FRMD6: variants seen among roughly 807,000 people sequenced by gnomAD.
The protein encoded by FRMD6 is FERM domain-containing protein 6.
Under a neutral mutation model 73.2 loss-of-function variants are expected in FRMD6, and 37 were observed. The ratio of observed to expected loss-of-function variants is 0.51; its 90% CI spans 0.39 to 0.66. The LOEUF (loss-of-function observed/expected upper bound fraction) is 0.66, where lower values mean the gene tolerates loss of function less well. Ranked by LOEUF, FRMD6 falls within the 30% of genes least tolerant of loss-of-function variation. FRMD6 has a pLI of 0.00. For missense variants in FRMD6, 714 were observed against 780.5 expected, an observed-to-expected ratio of 0.91 and a Z score of 1.02; for synonymous variants, 273 against 282.2, an observed-to-expected ratio of 0.97 and a Z score of 0.33.
intron 1 of FRMD6, among the ~76,000 whole-genome samples, chr14:51,560,534 G>C (rs1390992894): frequency 6.6e-6 from 1 of 152,190 alleles, no homozygotes; most frequent in African/African-American, 2.4e-5. Context: ...GCCCAGGCTG[G>C]TGTGCAATAC....
chr14:51,726,780 G>A (rs1897979949), intron 13 of FRMD6, among the ~76,000 whole-genome samples: 1 of 152,182 alleles, frequency 6.6e-6, no homozygotes, highest in South Asian at 2.1e-4. Flanking sequence ...TCCTGTTGGA[G>A]TCTGGGAAGA....
chr14:51,600,304 A>G (rs1889968543), intron 2 of FRMD6, among the ~76,000 whole-genome samples: 2 of 152,154 alleles, frequency 1.3e-5, no homozygotes, highest in South Asian at 4.2e-4. Context: ...AACATTTCAG[A>G]AAAGCACCAG....
intron 1 of FRMD6, among the ~76,000 whole-genome samples, chr14:51,520,399 T>A (rs1371288784): frequency 6.6e-6 from 1 of 152,214 alleles, no homozygotes; most frequent in African/African-American, 2.4e-5. Flanking sequence ...ATCAAGTTAA[T>A]CAGTATTATT....
intron 5 of FRMD6, 121 bp from the exon 6 acceptor site, chr14:51,704,628 G>A: frequency 5.3e-6 from 4 of 754,866 alleles, no homozygotes; most frequent in Non-Finnish European, 8.4e-6. Context: ...AGTGAGGTGG[G>A]AGGGAGGAGC....
chr14:51,608,933 A>G (rs1005395829), intron 2 of FRMD6, among the ~76,000 whole-genome samples: 1 of 152,164 alleles, frequency 6.6e-6, no homozygotes, highest in African/African-American at 2.4e-5. Context: ...GGAATGTCCT[A>G]CATGCTACAA....
intron 2 of FRMD6, among the ~76,000 whole-genome samples, chr14:51,582,191 T>C (rs1336611000): frequency 1.3e-5 from 2 of 152,198 alleles, no homozygotes; most frequent in African/African-American, 4.8e-5. Context: ...AAAGAGTCAC[T>C]AGAGTTTGTT....
the FRMD6 span, among the ~76,000 whole-genome samples, chr14:51,473,986 TA>T: frequency 6.6e-6 from 1 of 152,212 alleles, no homozygotes; most frequent in Non-Finnish European, 1.5e-5. Context: ...CGTATCACAT[TA>T]TCTCATTTAT....
chr14:51,681,481 A>G (rs1052581747), intron 1 of FRMD6, among the ~76,000 whole-genome samples: 5 of 152,204 alleles, frequency 3.3e-5, no homozygotes, highest in Admixed American at 1.3e-4. Context: ...TCTCAATTCA[A>G]AGGTGAGCAA....
chr14:51,412,146 A>T, the FRMD6 span, among the ~76,000 whole-genome samples: 817 of 152,170 alleles, frequency 5.4e-3, 3 homozygotes, highest in Non-Finnish European at 9.3e-3. Flanking sequence ...TATTGCTTTC[A>T]CACTTTTTGT....
chr14:51,482,456 T>G, the FRMD6 span, among the ~76,000 whole-genome samples: 1 of 152,180 alleles, frequency 6.6e-6, no homozygotes, highest in Non-Finnish European at 1.5e-5. Flanking sequence ...GAAGAAGTGC[T>G]CCATGGGTGT....
intron 1 of FRMD6, among the ~76,000 whole-genome samples, chr14:51,507,083 GACACACACACACACACACAC>G (rs200052672): frequency 0.03 from 4,203 of 139,080 alleles, 145 homozygotes; most frequent in African/African-American, 0.082. Flanking sequence ...TGGTTGTATA[GACACACACACACACACACAC>G]ACACACACAC....
rs1171607140 is a variant in FRMD6, at chr14:51,576,439, C to G, written c.-147+6029C>G. Reference sequence around the variant, plus strand: ...AGTTTGCCCAGGCAGTTCACGCTGACTGAAACCTCCTCTGTCTTCTGAACT... The same window carrying G: ...AGTTTGCCCAGGCAGTTCACGCTGAGTGAAACCTCCTCTGTCTTCTGAACT... On this transcript the variant is annotated intron_variant, in intron 2 of 14. Transcript: ENST00000356218. 2.6e-5 allele frequency among the ~76,000 whole-genome samples: 4 copies of G among 152,336 alleles called. No individual in the cohort carries two copies. In the East Asian group the frequency reaches 7.7e-4, roughly 29 times the overall value.
chr14:51,627,896 C>T lies in FRMD6; in HGVS notation c.-147+57486C>T, dbSNP rs566138979. On this transcript the variant is annotated intron_variant, in intron 2 of 14. Coordinates refer to the FRMD6 transcript ENST00000356218. ...CTCTCTCCTGCAACTGCAGATCCAC[C>T]GGTGCTCAAGTTCCTGATATAAAAT... is the stretch of plus-strand genomic sequence containing the variant. Among the ~76,000 whole-genome samples, 56 of 152,290 alleles carry T rather than the reference C, an allele frequency of 3.7e-4. 1 individual carries two copies. The South Asian group carries it at 9.9e-3, about 27-fold the overall frequency.
At chr14:51,723,617 C>CA (rs1319143865) in intron 12 of FRMD6, among the ~76,000 whole-genome samples, 9 of 150,634 alleles carry the variant, frequency 6.0e-5, no homozygotes, top group African/African-American at 2.2e-4. Flanking sequence ...CCCATCTCTA[C>CA]TAAAATGCAA....
intron 1 of FRMD6, among the ~76,000 whole-genome samples, chr14:51,530,646 ATTTT>A (rs10531677): frequency 1.4e-5 from 2 of 148,026 alleles, no homozygotes; most frequent in African/African-American, 5.0e-5. Flanking sequence ...ACACCCAGCT[ATTTT>A]TTTTTTTTTT....
intron 2 of FRMD6, among the ~76,000 whole-genome samples, chr14:51,581,424 A>C (rs1888716625): frequency 6.6e-6 from 1 of 152,208 alleles, no homozygotes; most frequent in African/African-American, 2.4e-5. Flanking sequence ...AATTAAACAA[A>C]GTGAGTCATC....
At chr14:51,469,781 A>T in the FRMD6 span, among the ~76,000 whole-genome samples, 1 of 152,026 alleles carries the variant, frequency 6.6e-6, no homozygotes, top group Non-Finnish European at 1.5e-5. Context: ...GGGTTGTAAA[A>T]TTGGTTGCAG....
rs189035675 is a variant in FRMD6 at position 51,542,847 on chromosome 14, C to A, written c.-209-27501C>A. Among the ~76,000 whole-genome samples, 16 of 152,064 alleles carry A rather than the reference C, an allele frequency of 1.1e-4. No homozygotes were observed. In the East Asian group the frequency reaches 2.7e-3, roughly 26 times the overall value. Reference sequence around the variant, plus strand: ...AAGTCGTATATGACTATAGTTTTAACCTGCATTTTCCTAATGACTAGTGAC... The same window carrying A: ...AAGTCGTATATGACTATAGTTTTAAACTGCATTTTCCTAATGACTAGTGAC... On this transcript the variant is annotated intron_variant, in intron 1 of 14. Coordinates refer to the FRMD6 transcript ENST00000356218.
At chr14:51,660,537 G>A (rs1489691422) in intron 1 of FRMD6, among the ~76,000 whole-genome samples, 5 of 150,478 alleles carry the variant, frequency 3.3e-5, no homozygotes, top group Non-Finnish European at 7.4e-5. Flanking sequence ...TTAAATTCAT[G>A]CATTCAATAT....
Sources: allele counts gnomAD v4.1 joint callset (sites outside exome capture counted in the v4.1 genomes callset), GRCh38; gene constraint gnomAD v4.1.1; transcripts MANE v1.5; gene names NCBI Gene and HGNC (gene_info 2026-07-23, HGNC 2026-07-21).